The following PCDHGB5 variants were observed in gnomAD, a reference collection of about 807,000 sequenced individuals.
PCDHGB5 encodes protocadherin gamma subfamily B, 5, also known as protocadherin gamma-B5.
A neutral mutation model predicts 62.9 loss-of-function variants in PCDHGB5; 48 were observed. The ratio of observed to expected loss-of-function variants is 0.76; its 90% confidence interval spans 0.61 to 0.97. The LOEUF (loss-of-function observed/expected upper bound fraction) is 0.97, where lower values mean the gene tolerates loss of function less well. Among genes scored for constraint, PCDHGB5 ranks in the 50% least tolerant of loss-of-function variants. The probability of loss-of-function intolerance (pLI) is 0.00; values close to 1 mark genes in which losing one functional copy is unlikely to be tolerated. For missense variants in PCDHGB5, 1,118 were observed against 1,198.6 expected, an observed-to-expected ratio of 0.93 and a Z score of 0.99; for synonymous variants, 474 against 511.2, an observed-to-expected ratio of 0.93 and a Z score of 0.98.
At chr5:141,475,997 G>A in intron 1 of PCDHGB5, 2 of 1,184,406 alleles carry the variant, frequency 1.7e-6, no homozygotes, top group East Asian at 2.4e-5. Flanking sequence ...CAAATCAACG[G>A]CATCCAGAAA....
Position 141,486,567 on chromosome 5 carries a change from C to T in PCDHGB5, c.2398-8240C>T, listed in dbSNP as rs1562113360. On this transcript the variant is annotated intron_variant, in intron 1 of 3. Transcript: ENST00000617380. The surrounding 1 kb of genome is among the most constrained non-coding windows in gnomAD (Gnocchi z 5.0). ...CAGAGGTCACATGAGGTGTTTGTTCCTGAGAACAATCGCCCAGGGGACCTG... is the reference window on the plus strand; with the variant it reads ...CAGAGGTCACATGAGGTGTTTGTTCTTGAGAACAATCGCCCAGGGGACCTG... The T allele has an allele frequency of 6.2e-7, 1 of 1,613,918 alleles. No homozygotes were observed. The highest frequency in any genetic ancestry group is 8.5e-7 in the Non-Finnish European group (1 of 1,179,986).
intron 1 of PCDHGB5, chr5:141,416,489 G>A (rs2096031582): frequency 1.3e-5 from 2 of 152,158 alleles, no homozygotes; most frequent in Admixed American, 1.3e-4. Context: ...GAGAACAGGA[G>A]CAAGAGATAT....
intron 1 of PCDHGB5, chr5:141,413,717 A>C: frequency 6.2e-7 from 1 of 1,613,382 alleles, no homozygotes; most frequent in Non-Finnish European, 8.5e-7. Flanking sequence ...CCCAATAAGC[A>C]CTTCTCCCTA....
chr5:141,460,741 A>C (rs1378900827), intron 1 of PCDHGB5, among the ~76,000 whole-genome samples: 1 of 152,128 alleles, frequency 6.6e-6, no homozygotes, highest in African/African-American at 2.4e-5. Flanking sequence ...CACATTGTAT[A>C]TATATGTGTA....
At position 141,415,428 on chromosome 5, in the gene PCDHGB5, G is replaced by T. The variant is rs948747218; in HGVS notation, c.2397+14904G>T. 1.5e-5 allele frequency: 24 copies of T among 1,614,088 alleles called. No individual in the cohort carries two copies. In the Admixed American group the frequency reaches 1.7e-4, roughly 11 times the overall value. ...ACTTTGTGGGCGTGGACGGGGTTCG[G>T]GCTTTCCTGCAGACCTATTCCCACG... On this transcript the variant is annotated intron_variant, in intron 1 of 3. Transcript: ENST00000617380.
In PCDHGB5 at chr5:141,486,077, C is replaced by T; in HGVS notation, c.2398-8730C>T. 6.2e-7 allele frequency: 1 copy of T among 1,614,186 alleles called. No individual in the cohort carries two copies. The highest frequency in any genetic ancestry group is 8.5e-7 in the Non-Finnish European group (1 of 1,180,024). ...TAGCCTGCACCCCACTACTGGAAAG[C>T]TTACTCTTTTGGGGCCCCTAGACTT... On this transcript the variant is annotated intron_variant, in intron 1 of 3. Coordinates refer to ENST00000617380, the MANE Select transcript of PCDHGB5 (RefSeq NM_018925.3). The surrounding 1 kb of genome is among the most constrained non-coding windows in gnomAD (Gnocchi z 5.0).
At chr5:141,430,313 G>A (rs1018901791) in intron 1 of PCDHGB5, among the ~76,000 whole-genome samples, 1 of 150,204 alleles carries the variant, frequency 6.7e-6, no homozygotes, top group South Asian at 2.1e-4. Context: ...AACATTATAA[G>A]ATTAAAATCA....
At chr5:141,448,216 G>A (rs766377717) in intron 1 of PCDHGB5, among the ~76,000 whole-genome samples, 41 of 152,046 alleles carry the variant, frequency 2.7e-4, no homozygotes, top group African/African-American at 1.7e-4. Context: ...GTGTGTATGC[G>A]AATGTATGTG....
intron 1 of PCDHGB5, among the ~76,000 whole-genome samples, chr5:141,482,530 C>CAAAAAAAAAAAAA (rs3074545): frequency 3.9e-5 from 3 of 76,560 alleles, no homozygotes; most frequent in African/African-American, 9.6e-5. Context: ...GACAGACATG[C>CAAAAAAAAAAAAA]AAAAAAAAAA....
Position 141,400,058 on chromosome 5 carries a change from ATGG to A in PCDHGB5, c.1935_1937del (p.Gly646del), listed in dbSNP as rs2093953327. The A allele has an allele frequency of 6.2e-7, 1 of 1,613,570 alleles. No homozygotes were observed. The highest frequency in any genetic ancestry group is 1.7e-5 in the Admixed American group (1 of 60,010). ...CAGCGCCTGCTGGTTGCTGTGCGTG[ATGG>A]TGGACAGCCGCCACTCTCCGCCACC... On this transcript the variant is annotated inframe_deletion, in exon 1 of 4. Coordinates refer to ENST00000617380, the MANE Select transcript of PCDHGB5 (RefSeq NM_018925.3).
At chr5:141,423,367 G>A (rs1478466218) in intron 1 of PCDHGB5, 2 of 1,614,068 alleles carry the variant, frequency 1.2e-6, no homozygotes, top group Admixed American at 1.7e-5. Context: ...CGTGCTGCTG[G>A]CACTCAGGCT....
chr5:141,413,639 G>A (rs893578830), intron 1 of PCDHGB5: 2 of 1,613,854 alleles, frequency 1.2e-6, no homozygotes, highest in Non-Finnish European at 1.7e-6. Context: ...GCGGGAATGC[G>A]TTTTCCTCTC....
At chr5:141,437,660 G>A (rs1021986333) in intron 1 of PCDHGB5, among the ~76,000 whole-genome samples, 6 of 151,866 alleles carry the variant, frequency 4.0e-5, no homozygotes, top group Non-Finnish European at 5.9e-5. Flanking sequence ...ACATAGTTTC[G>A]AAGAGATGTT....
intron 3 of PCDHGB5, 88 bp from the exon 4 acceptor site, chr5:141,510,859 A>G: frequency 6.2e-7 from 1 of 1,606,096 alleles, no homozygotes; most frequent in Non-Finnish European, 8.5e-7. Context: ...GGTGCTGTAT[A>G]GGCATTCATT....
intron 2 of PCDHGB5, among the ~76,000 whole-genome samples, chr5:141,497,541 T>A (rs1157403777): frequency 1.1e-5 from 1 of 89,566 alleles, no homozygotes; most frequent in Admixed American, 1.2e-4. Context: ...GCAACAAACC[T>A]TTTTTTTTTT....
chr5:141,479,606 T>TA (rs1315315740), intron 1 of PCDHGB5: 1 of 152,184 alleles, frequency 6.6e-6, no homozygotes, highest in Non-Finnish European at 1.5e-5. Context: ...GCCTAGGCAA[T>TA]ATAGGGAAAC....
intron 1 of PCDHGB5, among the ~76,000 whole-genome samples, chr5:141,450,503 T>G (rs1196541899): frequency 3.3e-5 from 5 of 152,258 alleles, no homozygotes; most frequent in Admixed American, 6.5e-5. Context: ...TTGTTTGTTT[T>G]GAGATGGAGT....
intron 1 of PCDHGB5, among the ~76,000 whole-genome samples, chr5:141,459,968 C>T (rs1260233942): frequency 1.3e-5 from 2 of 152,190 alleles, no homozygotes; most frequent in East Asian, 3.8e-4. Context: ...ATCCCAGCTA[C>T]TCAGGAGGCT....
Position 141,485,792 on chromosome 5 carries a change from G to T in PCDHGB5, c.2398-9015G>T, listed in dbSNP as rs114766079. 6.2e-6 allele frequency: 10 copies of T among 1,614,118 alleles called. No individual in the cohort carries two copies. In the Admixed American group the frequency reaches 1.3e-4, roughly 22 times the overall value. ...GCCTTTGGATCGAGAGAAGCAATCG[G>T]ACTACCGCCTGGTGCTGACTGCTGT... On this transcript the variant is annotated intron_variant, in intron 1 of 3. Transcript: ENST00000617380. This position sits in a 1 kb window ranked among gnomAD's most constrained non-coding sequence, Gnocchi z 5.7.
Sources: allele counts gnomAD v4.1 joint callset (sites outside exome capture counted in the v4.1 genomes callset), GRCh38; gene constraint gnomAD v4.1.1; non-coding constraint Gnocchi (gnomAD v3.1); transcripts MANE v1.5; gene names NCBI Gene and HGNC (gene_info 2026-07-23, HGNC 2026-07-21).